Variants in DSCAM observed in about 807,000 individuals in gnomAD.
DSCAM encodes the protein cell adhesion molecule DSCAM.
DSCAM carries 47 observed loss-of-function variants against 217.7 expected under a neutral mutation model. The ratio of observed to expected loss-of-function variants is 0.22; its 90% CI spans 0.17 to 0.28. The LOEUF is 0.28. Ranked by LOEUF, DSCAM falls within the 10% of genes least tolerant of loss-of-function variation. The pLI, the probability that DSCAM is intolerant of heterozygous loss-of-function variation, is 1.00. For synonymous variants in DSCAM, 1,056 were observed against 1,015.3 expected, an observed-to-expected ratio of 1.04 and a Z score of -0.76; for missense variants, 2,080 against 2,618.3, an observed-to-expected ratio of 0.79 and a Z score of 4.49.
intron 3 of DSCAM, among the ~76,000 whole-genome samples, chr21:40,401,618 G>A (rs190924575): frequency 7.9e-5 from 12 of 152,326 alleles, no homozygotes; most frequent in South Asian, 2.1e-4. Flanking sequence ...ACCATCAAGC[G>A]TGCAGGGACC....
intron 15 of DSCAM, among the ~76,000 whole-genome samples, chr21:40,170,736 A>AT (rs1210155217): frequency 6.6e-6 from 1 of 152,174 alleles, no homozygotes; most frequent in Non-Finnish European, 1.5e-5. Context: ...TTGAAAAATG[A>AT]TTTTTGAGTC....
At chr21:40,785,092 C>G (rs1047427252) in intron 1 of DSCAM, among the ~76,000 whole-genome samples, 5 of 152,054 alleles carry the variant, frequency 3.3e-5, no homozygotes, top group Non-Finnish European at 5.9e-5. Flanking sequence ...AAGTAGAGAC[C>G]AATACAAATA....
chr21:40,430,087 G>A (rs1168939527), intron 3 of DSCAM, among the ~76,000 whole-genome samples: 2 of 152,176 alleles, frequency 1.3e-5, no homozygotes, highest in Non-Finnish European at 2.9e-5. Context: ...GGGGCTGGTC[G>A]CTGCTTGTCA....
At chr21:40,375,629 G>C (rs538656354) in intron 3 of DSCAM, among the ~76,000 whole-genome samples, 1 of 152,314 alleles carries the variant, frequency 6.6e-6, no homozygotes, top group African/African-American at 2.4e-5. Context: ...ATGTGCATGA[G>C]ATTGGTTTAA....
chr21:40,408,145 C>T (rs1372964507), intron 3 of DSCAM, among the ~76,000 whole-genome samples: 1 of 151,818 alleles, frequency 6.6e-6, no homozygotes, highest in Non-Finnish European at 1.5e-5. Context: ...TGGGTCATCT[C>T]GGTGCCCAAC....
chr21:40,350,673 T>C (rs1230437661), intron 5 of DSCAM, among the ~76,000 whole-genome samples: 1 of 151,846 alleles, frequency 6.6e-6, no homozygotes, highest in Non-Finnish European at 1.5e-5. Flanking sequence ...AATCCACAGA[T>C]ATCAAGGGTG....
chr21:40,223,255 C>T (rs1425525923), intron 11 of DSCAM, among the ~76,000 whole-genome samples: 2 of 152,218 alleles, frequency 1.3e-5, no homozygotes, highest in Admixed American at 6.5e-5. Context: ...CCCCAGGTAA[C>T]ACCTGAACAT....
intron 3 of DSCAM, among the ~76,000 whole-genome samples, chr21:40,479,894 G>C (rs2075967575): frequency 6.6e-6 from 1 of 152,172 alleles, no homozygotes; most frequent in Non-Finnish European, 1.5e-5. Context: ...ACATATGTGT[G>C]TGTACATGCG....
At chr21:40,395,127 A>C (rs2075167097) in intron 3 of DSCAM, among the ~76,000 whole-genome samples, 1 of 152,208 alleles carries the variant, frequency 6.6e-6, no homozygotes, top group Non-Finnish European at 1.5e-5. Flanking sequence ...AAATGATAGC[A>C]TTGTATTTTA....
chr21:40,437,762 A>C (rs1383473796), intron 3 of DSCAM, among the ~76,000 whole-genome samples: 1 of 152,190 alleles, frequency 6.6e-6, no homozygotes, highest in Non-Finnish European at 1.5e-5. Context: ...GAGGCAGAGA[A>C]TTACTGGAAC....
chr21:40,296,687 T>C (rs901237693), intron 9 of DSCAM, among the ~76,000 whole-genome samples: 2 of 151,610 alleles, frequency 1.3e-5, no homozygotes, highest in East Asian at 1.9e-4. Context: ...CAAAATTAGC[T>C]GGGTGTGGTG....
chr21:40,761,122 T>C (rs1252649403), intron 1 of DSCAM, among the ~76,000 whole-genome samples: 1 of 152,200 alleles, frequency 6.6e-6, no homozygotes, highest in Non-Finnish European at 1.5e-5. Context: ...GACTTCAAGT[T>C]AAACCCAAGG....
At chr21:40,205,344 T>C (rs1301468945) in intron 11 of DSCAM, among the ~76,000 whole-genome samples, 1 of 152,200 alleles carries the variant, frequency 6.6e-6, no homozygotes, top group Admixed American at 6.5e-5. Context: ...GGCTCATGCC[T>C]GTAATCCCAG....
intron 3 of DSCAM, among the ~76,000 whole-genome samples, chr21:40,683,043 A>G (rs1356104950): frequency 1.3e-5 from 2 of 152,240 alleles, no homozygotes; most frequent in Non-Finnish European, 2.9e-5. Flanking sequence ...GAAGGCGTCC[A>G]TCTGCACGCC....
At chr21:40,339,959 C>A (rs1355193731) in intron 6 of DSCAM, among the ~76,000 whole-genome samples, 2 of 152,194 alleles carry the variant, frequency 1.3e-5, no homozygotes, top group Non-Finnish European at 2.9e-5. Flanking sequence ...TCATCTTCAT[C>A]ATTTTCTCAT....
chr21:40,468,631 G>C (rs1009565406), intron 3 of DSCAM, among the ~76,000 whole-genome samples: 1 of 152,088 alleles, frequency 6.6e-6, no homozygotes, highest in East Asian at 1.9e-4. Context: ...CTCGTGCCCC[G>C]CCTGCACATT....
intron 3 of DSCAM, among the ~76,000 whole-genome samples, chr21:40,374,166 A>G (rs191571606): frequency 6.6e-6 from 1 of 152,344 alleles, no homozygotes; most frequent in African/African-American, 2.4e-5. Context: ...TACAAAATCA[A>G]CACATTGTAC....
intron 3 of DSCAM, chr21:40,621,274 G>A (rs935143831): frequency 6.6e-5 from 10 of 152,258 alleles, no homozygotes; most frequent in East Asian, 5.8e-4. Context: ...AGTGGAGCCC[G>A]AGATTTGAGA....
Position 40,044,113 on chromosome 21 carries a change from C to T in DSCAM, c.5348G>A (p.Ser1783Asn). The T allele has an allele frequency of 2.5e-6, 4 of 1,614,054 alleles. No homozygotes were observed. The highest frequency in any genetic ancestry group is 3.4e-6 in the Non-Finnish European group (4 of 1,180,038). ...PRAAGSVDKE[S>N]DSYSVSPSQD... Reference sequence around the variant, plus strand: ...CGAGGGGCTGACGCTGTAACTGTCGCTCTCTTTGTCTACTGATCCTGCAGC... The same window carrying T: ...CGAGGGGCTGACGCTGTAACTGTCGTTCTCTTTGTCTACTGATCCTGCAGC... Residue 1783 changes from serine (S) to asparagine (N), a missense_variant, in exon 31 of 33, where the codon AGC becomes AAC. Around this residue, in one of 5 missense-constraint regions of DSCAM, gnomAD observed 1,144 missense variants for 1,421.1 expected, o/e 0.81. Transcript: ENST00000400454.
Sources: gnomAD v4.1 joint callset for allele counts (sites outside exome capture counted in the v4.1 genomes callset) on GRCh38, gnomAD v4.1.1 for gene constraint, gnomAD v4.1.1 regional missense constraint, MANE v1.5 for transcripts, NCBI Gene and HGNC (gene_info 2026-07-23, HGNC 2026-07-21) for gene names.